Variants in BCLAF3 observed in about 807,000 individuals in gnomAD.
BCLAF3 encodes the protein transient octamer binding factor 1.
In BCLAF3, 24 loss-of-function variants were observed where a neutral mutation model predicts 51.2. The observed-to-expected ratio is 0.47, with a 90% CI of 0.34 to 0.66. The LOEUF is 0.66. Among genes scored for constraint, BCLAF3 ranks in the 30% least tolerant of loss-of-function variants. The pLI is 0.01. For synonymous variants in BCLAF3, 152 were observed against 176.6 expected, an observed-to-expected ratio of 0.86 and a Z score of 1.10; for missense variants, 465 against 525.1, an observed-to-expected ratio of 0.89 and a Z score of 1.12.
intron 1 of BCLAF3, among the ~76,000 whole-genome samples, chrX:19,977,591 C>G (rs1197675874): frequency 1.8e-5 from 2 of 112,160 alleles, no homozygotes; most frequent in Non-Finnish European, 3.8e-5. Flanking sequence ...TGGCTTGTGA[C>G]GTTTAAGGAA....
chrX:19,921,478 C>A (rs2070155407), intron 11 of BCLAF3, among the ~76,000 whole-genome samples: 1 of 112,193 alleles, frequency 8.9e-6, no homozygotes. Flanking sequence ...CCAAGGCAGG[C>A]AGATCACTTG....
At chrX:19,931,798 G>A (rs2070568112) in intron 10 of BCLAF3, among the ~76,000 whole-genome samples, 1 of 111,888 alleles carries the variant, frequency 8.9e-6, no homozygotes, top group African/African-American at 3.2e-5. Context: ...TTTCCTTTAG[G>A]GGCTGACAAT....
chrX:19,917,561 A>C (rs142781229), intron 11 of BCLAF3, among the ~76,000 whole-genome samples: 1,499 of 112,071 alleles, frequency 0.013, 9 homozygotes, highest in Middle Eastern at 0.018. Context: ...ATGTGGTGCT[A>C]GATAACATTG....
chrX:19,940,317 T>C (rs1375807175), intron 8 of BCLAF3, among the ~76,000 whole-genome samples: 1 of 109,025 alleles, frequency 9.2e-6, no homozygotes, highest in Non-Finnish European at 1.9e-5. Flanking sequence ...AGGGTACATG[T>C]GCACATTGTG....
At chrX:19,985,358 C>CCAA (rs2072763928) in intron 1 of BCLAF3, among the ~76,000 whole-genome samples, 1 of 111,339 alleles carries the variant, frequency 9.0e-6, no homozygotes, top group Non-Finnish European at 1.9e-5. Flanking sequence ...GTGGGAGTAC[C>CCAA]ACTTGATGCC....
chrX:19,964,570 T>C (rs930242874), intron 4 of BCLAF3, among the ~76,000 whole-genome samples: 8 of 110,521 alleles, frequency 7.2e-5, no homozygotes, highest in Non-Finnish European at 3.8e-5. Flanking sequence ...CACTCTGACT[T>C]AGACAAGTCA....
intron 11 of BCLAF3, chrX:19,923,385 T>C (rs902782341): frequency 5.7e-6 from 1 of 175,887 alleles, no homozygotes; most frequent in Admixed American, 7.0e-5. Context: ...GCTTGGCTTG[T>C]CTAGCTTTGA....
intron 4 of BCLAF3, among the ~76,000 whole-genome samples, chrX:19,956,880 CA>C (rs2071684501): frequency 8.9e-6 from 1 of 111,758 alleles, no homozygotes; most frequent in Admixed American, 9.5e-5. Context: ...AGCAAACAGA[CA>C]GATGTGTCTG....
At chrX:19,925,688 A>T (rs1405088302) in intron 11 of BCLAF3, among the ~76,000 whole-genome samples, 1 of 111,828 alleles carries the variant, frequency 8.9e-6, no homozygotes, top group African/African-American at 3.3e-5. Context: ...TTGAGCAAAA[A>T]TGTCCCTCAT....
At position 19,929,856 on chromosome X, in the gene BCLAF3, G is replaced by A. The variant is rs759348070; in HGVS notation, c.2035C>T (p.Arg679Cys). The A allele has an allele frequency of 1.6e-5, 19 of 1,208,442 alleles. No homozygotes were observed. The highest frequency in any genetic ancestry group is 1.2e-4 in the African/African-American group (7 of 57,085). The part of the protein sequence containing the change: ...KSLYIQAKYQ[R>C]LRFTGPRGFI... ...CCCCTTGGGCCAGTGAACCGTAAACGCTGATACTTAGCCTGAATGTACAAG... is the reference window on the plus strand; with the variant it reads ...CCCCTTGGGCCAGTGAACCGTAAACACTGATACTTAGCCTGAATGTACAAG... The change falls in exon 11 of 12, where the codon CGT becomes TGT. Residue 679 changes from arginine (R) to cysteine (C), a missense_variant. Transcript: ENST00000379682.
chrX:19,919,238 A>G, intron 11 of BCLAF3, among the ~76,000 whole-genome samples: 1 of 112,077 alleles, frequency 8.9e-6, no homozygotes, highest in South Asian at 3.7e-4. Flanking sequence ...GTATCAATGG[A>G]AGTACTTAGC....
intron 1 of BCLAF3, among the ~76,000 whole-genome samples, chrX:19,984,576 C>G (rs2072733622): frequency 9.0e-6 from 1 of 111,467 alleles, no homozygotes; most frequent in South Asian, 3.7e-4. Context: ...GATTATAATG[C>G]AATGAAACTA....
chrX:19,989,413 T>C (rs909377124), intron 1 of BCLAF3, among the ~76,000 whole-genome samples: 5 of 111,460 alleles, frequency 4.5e-5, no homozygotes, highest in African/African-American at 1.6e-4. Flanking sequence ...GGGGAATCAC[T>C]TGAACCCAGG....
At position 19,915,245 on chromosome X, in the gene BCLAF3, T is replaced by G. The variant is rs919242040; in HGVS notation, c.*2060A>C. The stretch of plus-strand genomic sequence containing the variant: ...CACATGTAGTTCCTAATAAACATAT[T>G]CTATTATTCCCTATTTATTCATTCA... On this transcript the variant is annotated 3_prime_UTR_variant, in exon 12 of 12. Transcript: ENST00000379682. 15 of 112,324 alleles carry G rather than the reference T, an allele frequency of 1.3e-4. No homozygotes were observed. Among genetic ancestry groups the G allele is most frequent in the South Asian group, 7.4e-4 (2 of 2,702 alleles). 9.3% of individuals were successfully genotyped at this position (112,324 alleles called of 1,213,427 possible). A position where few individuals can be genotyped will look rare whatever the true frequency, so the allele number is the denominator to read the frequency against.
chrX:19,941,555 C>T (rs994965185), intron 8 of BCLAF3, among the ~76,000 whole-genome samples: 11 of 108,647 alleles, frequency 1.0e-4, no homozygotes, highest in African/African-American at 3.1e-4. Context: ...TTGTTTTTCT[C>T]GGGTTTGTCA....
intron 1 of BCLAF3, among the ~76,000 whole-genome samples, chrX:19,987,128 A>G (rs1274023098): frequency 9.0e-6 from 1 of 110,549 alleles, no homozygotes; most frequent in African/African-American, 3.3e-5. Flanking sequence ...CTTAATAAGG[A>G]GGGACTATTT....
At chrX:19,990,040 G>C (rs1204149581) in intron 1 of BCLAF3, among the ~76,000 whole-genome samples, 1 of 107,977 alleles carries the variant, frequency 9.3e-6, no homozygotes, top group Non-Finnish European at 1.9e-5. Flanking sequence ...CTGCTCTGTC[G>C]TTTGGACCTG....
intron 1 of BCLAF3, among the ~76,000 whole-genome samples, chrX:19,972,877 C>G (rs184741041): frequency 1.2e-3 from 132 of 112,199 alleles, no homozygotes; most frequent in African/African-American, 4.0e-3. Flanking sequence ...CATTCATTCA[C>G]CTCTCCATGC....
At chrX:19,974,591 A>G (rs186704659) in intron 1 of BCLAF3, among the ~76,000 whole-genome samples, 26 of 112,053 alleles carry the variant, frequency 2.3e-4, no homozygotes, top group African/African-American at 8.1e-4. Context: ...ATTAAAATTC[A>G]AATGGGCCAG....
Sources: gnomAD v4.1 joint callset for allele counts (sites outside exome capture counted in the v4.1 genomes callset) on GRCh38, gnomAD v4.1.1 for gene constraint, MANE v1.5 for transcripts, NCBI Gene and HGNC (gene_info 2026-07-23, HGNC 2026-07-21) for gene names.